ENTREP2: variants seen among roughly 807,000 people sequenced by gnomAD.
ENTREP2 encodes the protein protein ENTREP2.
At chr15:29,580,129 G>A in the ENTREP2 span, among the ~76,000 whole-genome samples, 1 of 152,084 alleles carries the variant, frequency 6.6e-6, no homozygotes, top group Non-Finnish European at 1.5e-5. Flanking sequence ...TTAAAGGCAT[G>A]AGTCACCACG....
the ENTREP2 span, among the ~76,000 whole-genome samples, chr15:29,118,938 C>T: frequency 1.3e-5 from 2 of 152,214 alleles, no homozygotes; most frequent in African/African-American, 4.8e-5. Flanking sequence ...GGCAGGAGCC[C>T]TCCTCTCTGG....
chr15:29,546,435 T>C, the ENTREP2 span, among the ~76,000 whole-genome samples: 1,193 of 151,446 alleles, frequency 7.9e-3, 12 homozygotes, highest in African/African-American at 0.028. Flanking sequence ...AGATAGGTAA[T>C]AGGGGTAAAA....
the ENTREP2 span, among the ~76,000 whole-genome samples, chr15:29,404,340 C>T: frequency 6.6e-6 from 1 of 151,864 alleles, no homozygotes; most frequent in Non-Finnish European, 1.5e-5. Flanking sequence ...TGAAGGGAAC[C>T]CCCCCATCTG....
At chr15:29,261,804 A>G in the ENTREP2 span, among the ~76,000 whole-genome samples, 1 of 152,164 alleles carries the variant, frequency 6.6e-6, no homozygotes, top group East Asian at 1.9e-4. Flanking sequence ...TTTAGCATTG[A>G]ATATAACAAA....
the ENTREP2 span, among the ~76,000 whole-genome samples, chr15:29,183,383 C>T: frequency 6.6e-6 from 1 of 152,172 alleles, no homozygotes; most frequent in Non-Finnish European, 1.5e-5. Context: ...CTGTGGAGTG[C>T]GGTGACTAAA....
the ENTREP2 span, among the ~76,000 whole-genome samples, chr15:29,207,659 T>C: frequency 2.6e-5 from 4 of 152,194 alleles, no homozygotes; most frequent in Non-Finnish European, 5.9e-5. Flanking sequence ...AGGGTGCTGA[T>C]TGGTGCGTTT....
the ENTREP2 span, chr15:29,234,459 T>C: frequency 6.7e-7 from 1 of 1,492,948 alleles, no homozygotes; most frequent in Non-Finnish European, 9.3e-7. Context: ...CCTGTAGCTC[T>C]TGTGCCCAGC....
chr15:29,665,491 T>G, the ENTREP2 span, among the ~76,000 whole-genome samples: 2 of 152,198 alleles, frequency 1.3e-5, no homozygotes, highest in East Asian at 3.9e-4. Context: ...TTGCTGGTGG[T>G]AATGGAGACC....
At chr15:29,441,946 C>T in the ENTREP2 span, among the ~76,000 whole-genome samples, 43 of 152,302 alleles carry the variant, frequency 2.8e-4, 1 homozygote, top group Admixed American at 2.8e-3. Flanking sequence ...CCCATGTGTC[C>T]ACCCAACATT....
the ENTREP2 span, among the ~76,000 whole-genome samples, chr15:29,669,607 G>A: frequency 2.6e-5 from 4 of 152,158 alleles, no homozygotes; most frequent in South Asian, 2.1e-4. Context: ...CATCACATCC[G>A]AGGCTTATCC....
At chr15:29,597,446 T>C in the ENTREP2 span, among the ~76,000 whole-genome samples, 1 of 151,690 alleles carries the variant, frequency 6.6e-6, no homozygotes, top group African/African-American at 2.4e-5. Flanking sequence ...TGAACGCCTG[T>C]AATCCCAGCT....
chr15:29,361,734 T>A, the ENTREP2 span, among the ~76,000 whole-genome samples: 1 of 152,160 alleles, frequency 6.6e-6, no homozygotes, highest in Non-Finnish European at 1.5e-5. Context: ...GTCCTTTATG[T>A]ATCCAGGACA....
At chr15:29,137,119 C>A in the ENTREP2 span, 8 of 1,472,752 alleles carry the variant, frequency 5.4e-6, no homozygotes, top group Non-Finnish European at 7.2e-6. Context: ...TCGTCGAAAT[C>A]CAGGGTCTGG....
At chr15:29,166,777 A>C in the ENTREP2 span, among the ~76,000 whole-genome samples, 1 of 152,186 alleles carries the variant, frequency 6.6e-6, no homozygotes, top group African/African-American at 2.4e-5. Flanking sequence ...TGCAATCCCC[A>C]TCAAAATACC....
chr15:29,441,116 T>C, the ENTREP2 span, among the ~76,000 whole-genome samples: 2,041 of 152,228 alleles, frequency 0.013, 47 homozygotes, highest in African/African-American at 0.047. Flanking sequence ...ATCCACACAA[T>C]GGAGTGTTAT....
chr15:29,310,369 G>A, the ENTREP2 span, among the ~76,000 whole-genome samples: 1 of 152,188 alleles, frequency 6.6e-6, no homozygotes, highest in South Asian at 2.1e-4. Flanking sequence ...GAAAGGGCCA[G>A]GACTGAGGGA....
the ENTREP2 span, among the ~76,000 whole-genome samples, chr15:29,536,283 A>G: frequency 3.3e-5 from 5 of 152,170 alleles, no homozygotes; most frequent in Admixed American, 6.5e-5. Flanking sequence ...TCTGGTGCCT[A>G]AAACTACAGC....
the ENTREP2 span, among the ~76,000 whole-genome samples, chr15:29,294,147 G>A: frequency 4.6e-5 from 7 of 152,338 alleles, no homozygotes; most frequent in Admixed American, 3.9e-4. Context: ...GTGGGTATGG[G>A]CAGCCAGAGC....
chr15:29,542,347 G>A, the ENTREP2 span, among the ~76,000 whole-genome samples: 2 of 152,022 alleles, frequency 1.3e-5, no homozygotes, highest in Non-Finnish European at 2.9e-5. Context: ...CACCCAGGCT[G>A]GAGTGCATTG....
Sources: gnomAD v4.1 joint callset for allele counts (sites outside exome capture counted in the v4.1 genomes callset) on GRCh38, gnomAD v4.1.1 for gene constraint, MANE v1.5 for transcripts, NCBI Gene and HGNC (gene_info 2026-07-23, HGNC 2026-07-21) for gene names.